Variants in DCC observed in about 807,000 individuals in gnomAD.
The protein encoded by DCC is DCC netrin 1 receptor.
In DCC, 58 loss-of-function variants were observed where a neutral mutation model predicts 172.5. The ratio of observed to expected loss-of-function variants is 0.34; its 90% confidence interval spans 0.27 to 0.42. The LOEUF (loss-of-function observed/expected upper bound fraction) is 0.42. Among genes scored for constraint, DCC ranks in the 10% least tolerant of loss-of-function variants. The pLI, the probability that DCC is intolerant of heterozygous loss-of-function variation, is 1.00. For synonymous variants in DCC, 709 were observed against 644.5 expected (o/e 1.10, Z -1.52); for missense variants, 1,740 against 1,791.0 (o/e 0.97, Z 0.51).
chr18:52,438,725 C>A (rs994538977), intron 1 of DCC, among the ~76,000 whole-genome samples: 15 of 152,152 alleles, frequency 9.9e-5, no homozygotes, highest in Non-Finnish European at 2.2e-4. Context: ...GTACTTGGCA[C>A]TCAAGATTTT....
At chr18:53,130,381 T>C (rs1043858073) in intron 7 of DCC, among the ~76,000 whole-genome samples, 2 of 152,134 alleles carry the variant, frequency 1.3e-5, no homozygotes, top group African/African-American at 4.8e-5. Context: ...TCCCAGGTTA[T>C]AGAGCCCGGT....
At chr18:52,642,791 C>G (rs2034935629) in intron 1 of DCC, among the ~76,000 whole-genome samples, 1 of 152,136 alleles carries the variant, frequency 6.6e-6, no homozygotes, top group Non-Finnish European at 1.5e-5. Flanking sequence ...AGCCTCCCAC[C>G]TAGTTGCGAC....
At chr18:53,373,333 G>A (rs2058078114) in intron 15 of DCC, among the ~76,000 whole-genome samples, 1 of 151,888 alleles carries the variant, frequency 6.6e-6, no homozygotes, top group Admixed American at 6.6e-5. Context: ...GTAGCTTCTT[G>A]ACTCATTTAT....
chr18:53,491,524 C>T (rs555792153), intron 26 of DCC, among the ~76,000 whole-genome samples: 12 of 151,932 alleles, frequency 7.9e-5, no homozygotes, highest in South Asian at 4.2e-4. Context: ...CTCCAATCCC[C>T]GAGAGGCCTT....
intron 27 of DCC, among the ~76,000 whole-genome samples, chr18:53,513,518 C>T (rs1185312078): frequency 6.6e-6 from 1 of 152,114 alleles, no homozygotes; most frequent in African/African-American, 2.4e-5. Flanking sequence ...CACAGAATGG[C>T]AAATTGGATA....
intron 5 of DCC, among the ~76,000 whole-genome samples, chr18:53,028,413 C>A (rs1319518961): frequency 6.6e-5 from 10 of 152,072 alleles, no homozygotes; most frequent in African/African-American, 2.4e-4. Context: ...CTTTTCACCA[C>A]TTAATTTCTA....
At chr18:53,073,452 G>A (rs1024505838) in intron 7 of DCC, among the ~76,000 whole-genome samples, 2 of 152,154 alleles carry the variant, frequency 1.3e-5, no homozygotes, top group African/African-American at 4.8e-5. Flanking sequence ...ATGAAACCTG[G>A]GGGGCGGAGC....
intron 1 of DCC, chr18:52,409,377 C>T (rs1467653804): frequency 4.6e-5 from 7 of 152,138 alleles, no homozygotes; most frequent in Admixed American, 3.3e-4. Context: ...AACTCTTATA[C>T]ATTGGTAGAG....
intron 25 of DCC, among the ~76,000 whole-genome samples, chr18:53,480,307 A>G (rs868466087): frequency 4.6e-5 from 7 of 152,320 alleles, no homozygotes; most frequent in African/African-American, 1.7e-4. Context: ...GCCAGTCCAC[A>G]TTCTGTCTCA....
chr18:52,348,177 T>C (rs2144236807), intron 1 of DCC, among the ~76,000 whole-genome samples: 1 of 152,352 alleles, frequency 6.6e-6, no homozygotes, highest in East Asian at 1.9e-4. Context: ...TCACTTTCTC[T>C]GGTGTATAAT....
intron 1 of DCC, among the ~76,000 whole-genome samples, chr18:52,443,375 A>T (rs1988026703): frequency 6.6e-6 from 1 of 152,196 alleles, no homozygotes; most frequent in African/African-American, 2.4e-5. Flanking sequence ...CACATAATCT[A>T]TTGAAGAGAG....
chr18:53,125,456 C>T (rs1176090389), intron 7 of DCC, among the ~76,000 whole-genome samples: 1 of 152,080 alleles, frequency 6.6e-6, no homozygotes, highest in Non-Finnish European at 1.5e-5. Context: ...TGCTCTCTCA[C>T]CACATATTCC....
Position 53,087,560 on chromosome 18 carries a change from T to C in DCC, c.1261+21394T>C, listed in dbSNP as rs868390318. ...TCTCCCATTTTGTAGGTTGCCTGTT[T>C]ACTCTGATGGTAGTTTCTTTTGCTG... On this transcript the variant is annotated intron_variant, in intron 7 of 28. Transcript: ENST00000442544. Among the ~76,000 whole-genome samples, 141 of 152,292 alleles carry C rather than the reference T, an allele frequency of 9.3e-4. No homozygotes were observed. In the South Asian group the frequency reaches 0.016, roughly 17 times the overall value.
intron 1 of DCC, among the ~76,000 whole-genome samples, chr18:52,698,130 C>A (rs1318175617): frequency 6.6e-6 from 1 of 152,122 alleles, no homozygotes; most frequent in Non-Finnish European, 1.5e-5. Flanking sequence ...TTAATGAAAT[C>A]TTTTAAGAAG....
At chr18:52,944,240 G>A (rs567795113) in intron 5 of DCC, among the ~76,000 whole-genome samples, 6 of 152,258 alleles carry the variant, frequency 3.9e-5, no homozygotes, top group East Asian at 1.9e-4. Context: ...TGCCTATTAC[G>A]ATGAGAACAA....
At chr18:53,527,387 C>CAGTT (rs2046470894) in intron 28 of DCC, among the ~76,000 whole-genome samples, 4 of 151,404 alleles carry the variant, frequency 2.6e-5, no homozygotes, top group Admixed American at 2.6e-4. Context: ...CCAACTTATA[C>CAGTT]AGTTATTCTC....
rs534861047 is a variant in DCC, at chr18:52,875,904, G to A, written c.413-30140G>A. Among the ~76,000 whole-genome samples the A allele has an allele frequency of 3.6e-4, 55 of 152,194 alleles. No homozygotes were observed. The South Asian group carries it at 8.3e-3, about 23-fold the overall frequency. Reference sequence around the variant, plus strand: ...CTCATTCCGGTCAGTTTGCTTTATCGGGCACCTGCCCAAGGATGAAGAAAT... The same window carrying A: ...CTCATTCCGGTCAGTTTGCTTTATCAGGCACCTGCCCAAGGATGAAGAAAT... On this transcript the variant is annotated intron_variant, in intron 2 of 28. Transcript: ENST00000442544.
rs144807678 is a variant in DCC at position 52,420,754 on chromosome 18, T to G, written c.91+79876T>G. 2.4e-4 allele frequency among the ~76,000 whole-genome samples: 37 copies of G among 152,148 alleles called. No homozygotes were observed. In the East Asian group the frequency reaches 7.2e-3, roughly 29 times the overall value. On this transcript the variant is annotated intron_variant, in intron 1 of 28. Transcript: ENST00000442544. The stretch of plus-strand genomic sequence containing the variant: ...TTACTCAGTGAAGAGGTGGGAACAT[T>G]CTTGGTGGGAGAAAGGGCCTCAAAT...
At chr18:52,497,110 A>T (rs550738026) in intron 1 of DCC, among the ~76,000 whole-genome samples, 13 of 150,996 alleles carry the variant, frequency 8.6e-5, no homozygotes, top group Non-Finnish European at 8.9e-5. Flanking sequence ...AAAAAAAAAT[A>T]ATTAGCCGGG....
Sources: allele counts gnomAD v4.1 joint callset (sites outside exome capture counted in the v4.1 genomes callset), GRCh38; gene constraint gnomAD v4.1.1; transcripts MANE v1.5; gene names NCBI Gene and HGNC (gene_info 2026-07-23, HGNC 2026-07-21).